Variants in SHISA9 observed in about 807,000 individuals in gnomAD.
SHISA9 encodes protein shisa-9.
In SHISA9, 13 loss-of-function variants were observed where a neutral mutation model predicts 38.0. That is an observed-to-expected ratio of 0.34 (90% CI 0.22 to 0.54). SHISA9 has a LOEUF of 0.54. Ranked by LOEUF, SHISA9 falls within the 20% of genes least tolerant of loss-of-function variation. The pLI, the probability that SHISA9 is intolerant of heterozygous loss-of-function variation, is 0.91. For missense variants in SHISA9, 538 were observed against 575.8 expected (o/e 0.93, Z 0.67); for synonymous variants, 275 against 242.0 (o/e 1.14, Z -1.27).
At chr16:13,221,952 G>A (rs1026956793) in intron 4 of SHISA9, among the ~76,000 whole-genome samples, 9 of 152,154 alleles carry the variant, frequency 5.9e-5, no homozygotes, top group African/African-American at 2.2e-4. Flanking sequence ...CCGAGACTGG[G>A]TAGTTTATAA....
At chr16:13,260,003 C>CTTTTT in the SHISA9 span, among the ~76,000 whole-genome samples, 3 of 59,364 alleles carry the variant, frequency 5.1e-5, no homozygotes, top group African/African-American at 1.7e-4. Context: ...TCTTTTCTTT[C>CTTTTT]TTTCTTTTTT....
chr16:13,424,093 A>G, the SHISA9 span, among the ~76,000 whole-genome samples: 1 of 152,212 alleles, frequency 6.6e-6, no homozygotes, highest in Non-Finnish European at 1.5e-5. Flanking sequence ...CACTGGCCCC[A>G]CACAGTCCCA....
chr16:13,552,907 A>G, the SHISA9 span, among the ~76,000 whole-genome samples: 7 of 152,250 alleles, frequency 4.6e-5, no homozygotes, highest in East Asian at 9.7e-4. Context: ...GCTGTTGACT[A>G]TAGCAGAGTT....
intron 2 of SHISA9, among the ~76,000 whole-genome samples, chr16:13,126,514 A>G (rs898573408): frequency 6.9e-6 from 1 of 144,950 alleles, no homozygotes; most frequent in Non-Finnish European, 1.5e-5. Flanking sequence ...AAGGAGGGGG[A>G]GAGAGATGGA....
chr16:13,405,666 G>T, the SHISA9 span, among the ~76,000 whole-genome samples: 3 of 152,092 alleles, frequency 2.0e-5, no homozygotes, highest in Admixed American at 1.3e-4. Flanking sequence ...GTTGGTGTCA[G>T]CTTTATGTCC....
At chr16:12,910,526 A>G (rs1483901613) in intron 1 of SHISA9, 2 of 985,350 alleles carry the variant, frequency 2.0e-6, no homozygotes, top group African/African-American at 1.7e-5. Flanking sequence ...ACTAGCTTTC[A>G]TAAGAAAGTA....
At chr16:12,927,337 G>A (rs939074086) in intron 2 of SHISA9, among the ~76,000 whole-genome samples, 5 of 152,028 alleles carry the variant, frequency 3.3e-5, no homozygotes, top group Non-Finnish European at 5.9e-5. Context: ...ATTACTTTAG[G>A]TATTAGGTCT....
chr16:12,972,446 G>A (rs1009182652), intron 2 of SHISA9, among the ~76,000 whole-genome samples: 1 of 152,138 alleles, frequency 6.6e-6, no homozygotes, highest in Non-Finnish European at 1.5e-5. Flanking sequence ...AAGGATGAGA[G>A]TGATATATAA....
the SHISA9 span, among the ~76,000 whole-genome samples, chr16:13,366,676 C>T: frequency 6.7e-6 from 1 of 149,224 alleles, no homozygotes. Flanking sequence ...GACCCTGTCT[C>T]TACAAAAATA....
At chr16:13,334,440 G>A in the SHISA9 span, among the ~76,000 whole-genome samples, 1 of 152,082 alleles carries the variant, frequency 6.6e-6, no homozygotes, top group Admixed American at 6.6e-5. Flanking sequence ...GTAGAATTGG[G>A]GCAAGTTGCA....
the SHISA9 span, among the ~76,000 whole-genome samples, chr16:13,506,919 T>C: frequency 1.3e-4 from 20 of 152,186 alleles, no homozygotes; most frequent in East Asian, 2.9e-3. Flanking sequence ...GGTGTGCGCC[T>C]GTAGTCCCAG....
At chr16:13,328,386 C>T in the SHISA9 span, among the ~76,000 whole-genome samples, 1 of 150,942 alleles carries the variant, frequency 6.6e-6, no homozygotes, top group Admixed American at 6.6e-5. Context: ...ATGTTAGCAA[C>T]ATTTTTCTTT....
chr16:13,243,770 T>G (rs1488765431), downstream of SHISA9, among the ~76,000 whole-genome samples: 8 of 72,620 alleles, frequency 1.1e-4, no homozygotes, highest in South Asian at 5.1e-3. Context: ...TACAGCAGCG[T>G]TTTTTTTTTT....
chr16:13,510,855 G>A, the SHISA9 span, among the ~76,000 whole-genome samples: 192 of 152,026 alleles, frequency 1.3e-3, no homozygotes, highest in African/African-American at 4.4e-3. Context: ...AAGGACCCTT[G>A]TCATCTACGT....
intron 2 of SHISA9, among the ~76,000 whole-genome samples, chr16:13,025,229 C>G (rs1020900592): frequency 6.6e-6 from 1 of 152,180 alleles, no homozygotes; most frequent in African/African-American, 2.4e-5. Flanking sequence ...TTTCCTCTAT[C>G]TTTCTAGACC....
At chr16:13,148,294 C>T (rs540155189) in intron 2 of SHISA9, among the ~76,000 whole-genome samples, 1 of 152,262 alleles carries the variant, frequency 6.6e-6, no homozygotes, top group African/African-American at 2.4e-5. Flanking sequence ...CACACACTCA[C>T]ATAGGCAAGA....
intron 2 of SHISA9, among the ~76,000 whole-genome samples, chr16:13,196,470 A>G (rs192351203): frequency 6.6e-6 from 1 of 152,238 alleles, no homozygotes; most frequent in East Asian, 1.9e-4. Context: ...CAAAACTGTC[A>G]AAGTCATCAA....
the SHISA9 span, among the ~76,000 whole-genome samples, chr16:13,310,304 T>C: frequency 1.4e-5 from 2 of 145,182 alleles, no homozygotes; most frequent in South Asian, 2.1e-4. Flanking sequence ...AAAAGCTGCT[T>C]TTTTTTTTCT....
chr16:13,506,354 G>T, the SHISA9 span, among the ~76,000 whole-genome samples: 18,746 of 152,088 alleles, frequency 0.12, 1,328 homozygotes, highest in African/African-American at 0.2. Context: ...CCCAACAGAG[G>T]TGTGTGGGAG....
Sources: allele counts gnomAD v4.1 joint callset (sites outside exome capture counted in the v4.1 genomes callset), GRCh38; gene constraint gnomAD v4.1.1; transcripts MANE v1.5; gene names NCBI Gene and HGNC (gene_info 2026-07-23, HGNC 2026-07-21).